The following DSCAM variants were observed in gnomAD, a reference collection of about 807,000 sequenced individuals.
DSCAM encodes the protein cell adhesion molecule DSCAM.
A neutral mutation model predicts 217.7 loss-of-function variants in DSCAM; 47 were observed. The ratio of observed to expected loss-of-function variants is 0.22; its 90% CI spans 0.17 to 0.28. The LOEUF (loss-of-function observed/expected upper bound fraction) is 0.28. Ranked by LOEUF, DSCAM falls within the 10% of genes least tolerant of loss-of-function variation. The pLI, the probability that DSCAM is intolerant of heterozygous loss-of-function variation, is 1.00. For synonymous variants in DSCAM, 1,056 were observed against 1,015.3 expected, an observed-to-expected ratio of 1.04 and a Z score of -0.76; for missense variants, 2,080 against 2,618.3, an observed-to-expected ratio of 0.79 and a Z score of 4.49.
intron 3 of DSCAM, among the ~76,000 whole-genome samples, chr21:40,466,186 C>G (rs1211414686): frequency 1.3e-5 from 2 of 152,170 alleles, no homozygotes; most frequent in African/African-American, 4.8e-5. Context: ...TGCTTTTATC[C>G]CTTCAGAAGT....
intron 3 of DSCAM, among the ~76,000 whole-genome samples, chr21:40,565,194 T>C (rs566398165): frequency 7.2e-5 from 11 of 152,330 alleles, no homozygotes; most frequent in African/African-American, 1.2e-4. Flanking sequence ...TGGGTGTCTA[T>C]AGCTGAATGG....
intron 11 of DSCAM, among the ~76,000 whole-genome samples, chr21:40,252,606 A>T (rs906519546): frequency 2.6e-5 from 4 of 152,210 alleles, no homozygotes; most frequent in African/African-American, 4.8e-5. Flanking sequence ...TAATTGTTAT[A>T]ATCAGAAAAA....
chr21:40,593,302 C>G (rs981356431), intron 3 of DSCAM, among the ~76,000 whole-genome samples: 3 of 149,374 alleles, frequency 2.0e-5, no homozygotes, highest in African/African-American at 7.4e-5. Context: ...CAATCCTTCA[C>G]CTTTTCATGA....
At chr21:40,272,352 C>T (rs2073629951) in intron 11 of DSCAM, among the ~76,000 whole-genome samples, 2 of 151,976 alleles carry the variant, frequency 1.3e-5, no homozygotes, top group African/African-American at 4.8e-5. Flanking sequence ...GGAACCCCAA[C>T]AGAGCTGGAA....
intron 3 of DSCAM, among the ~76,000 whole-genome samples, chr21:40,583,169 A>T (rs966573102): frequency 6.6e-6 from 1 of 152,246 alleles, no homozygotes; most frequent in African/African-American, 2.4e-5. Context: ...GATCCATTTT[A>T]TAAATGTAAG....
chr21:40,055,574 T>A, intron 29 of DSCAM, 151 bp downstream of exon 29: 1 of 613,062 alleles, frequency 1.6e-6, no homozygotes, highest in Non-Finnish European at 2.9e-6. Flanking sequence ...TGATTCTTCT[T>A]CACAAGAACA....
intron 19 of DSCAM, among the ~76,000 whole-genome samples, chr21:40,125,769 A>T (rs1303817978): frequency 6.6e-6 from 1 of 152,244 alleles, no homozygotes; most frequent in African/African-American, 2.4e-5. Context: ...CTATCAGGTG[A>T]GGGTAATGTC....
chr21:40,335,387 T>C (rs1225447881), intron 8 of DSCAM, among the ~76,000 whole-genome samples: 3 of 152,180 alleles, frequency 2.0e-5, no homozygotes. Flanking sequence ...AAATCATAAA[T>C]ATATTGTTTA....
chr21:40,761,244 C>T (rs1280948233), intron 1 of DSCAM, among the ~76,000 whole-genome samples: 2 of 152,170 alleles, frequency 1.3e-5, no homozygotes, highest in Non-Finnish European at 2.9e-5. Context: ...CCAAGTCTCC[C>T]AGCTCGGTAC....
intron 3 of DSCAM, among the ~76,000 whole-genome samples, chr21:40,386,954 A>T (rs1016119354): frequency 6.6e-6 from 1 of 152,126 alleles, no homozygotes; most frequent in Admixed American, 6.5e-5. Context: ...AGATTACATT[A>T]TTTGGAACCT....
chr21:40,428,012 G>A lies in DSCAM; in HGVS notation c.509-58767C>T, dbSNP rs117252992. Among the ~76,000 whole-genome samples, 1,098 of 152,162 alleles carry A rather than the reference G, an allele frequency of 7.2e-3. 9 individuals carry two copies. Among genetic ancestry groups the A allele is most frequent in the Middle Eastern group, 0.037 (11 of 294 alleles). ...CTTTGTGCTACACTGTATCATCTTC[G>A]CTCTGGGAGAGCTCCATCTTTCTTG... On this transcript the variant is annotated intron_variant, in intron 3 of 32. Coordinates refer to ENST00000400454, the MANE Select transcript of DSCAM (RefSeq NM_001389.5).
chr21:40,042,314 G>A, intron 32 of DSCAM, 57 bp downstream of exon 32: 1 of 1,564,876 alleles, frequency 6.4e-7, no homozygotes, highest in Non-Finnish European at 8.7e-7. Flanking sequence ...AGATGAGGGA[G>A]GACCAGGAAG....
At chr21:40,635,690 G>A (rs1349042233) in intron 3 of DSCAM, among the ~76,000 whole-genome samples, 1 of 152,196 alleles carries the variant, frequency 6.6e-6, no homozygotes, top group African/African-American at 2.4e-5. Context: ...AAGCAAATGG[G>A]AGAAATTAAC....
At chr21:40,597,576 G>T (rs1018045617) in intron 3 of DSCAM, among the ~76,000 whole-genome samples, 1 of 139,918 alleles carries the variant, frequency 7.1e-6, no homozygotes, top group African/African-American at 2.7e-5. Context: ...ACATGATCTC[G>T]GCTCACTGCA....
At chr21:40,072,426 A>G (rs2089305593) in intron 27 of DSCAM, among the ~76,000 whole-genome samples, 1 of 150,370 alleles carries the variant, frequency 6.7e-6, no homozygotes, top group Admixed American at 6.6e-5. Context: ...GGCTCACTGC[A>G]AGCTCCGCCT....
intron 3 of DSCAM, among the ~76,000 whole-genome samples, chr21:40,576,342 A>G (rs182666047): frequency 1.2e-4 from 18 of 152,354 alleles, no homozygotes; most frequent in African/African-American, 3.4e-4. Flanking sequence ...TTCTATTTAC[A>G]TAACAGGTAA....
At chr21:40,596,627 G>A (rs1387220692) in intron 3 of DSCAM, among the ~76,000 whole-genome samples, 2 of 152,064 alleles carry the variant, frequency 1.3e-5, no homozygotes, top group Non-Finnish European at 2.9e-5. Flanking sequence ...ACAGAATTGT[G>A]GTAATTTCTT....
intron 3 of DSCAM, among the ~76,000 whole-genome samples, chr21:40,421,839 T>C (rs1037238753): frequency 4.6e-5 from 7 of 152,230 alleles, no homozygotes; most frequent in African/African-American, 1.7e-4. Context: ...GAGAGGACAT[T>C]TCTTTTCCCA....
At chr21:40,795,612 C>T (rs1461010960) in intron 1 of DSCAM, among the ~76,000 whole-genome samples, 4 of 152,190 alleles carry the variant, frequency 2.6e-5, no homozygotes, top group Non-Finnish European at 5.9e-5. Flanking sequence ...CAACAGCTGA[C>T]TTTCACTGGA....
Sources: gnomAD v4.1 joint callset for allele counts (sites outside exome capture counted in the v4.1 genomes callset) on GRCh38, gnomAD v4.1.1 for gene constraint, MANE v1.5 for transcripts, NCBI Gene and HGNC (gene_info 2026-07-23, HGNC 2026-07-21) for gene names.